RHOBTB2: variants seen among roughly 807,000 people sequenced by gnomAD.
RHOBTB2 encodes the protein rho-related BTB domain-containing protein 2.
A neutral mutation model predicts 66.5 loss-of-function variants in RHOBTB2; 39 were observed. The ratio of observed to expected loss-of-function variants is 0.59; its 90% CI spans 0.45 to 0.77. The LOEUF (loss-of-function observed/expected upper bound fraction) is 0.77. Among genes scored for constraint, RHOBTB2 ranks in the 30% least tolerant of loss-of-function variants. The pLI, the probability that RHOBTB2 is intolerant of heterozygous loss-of-function variation, is 0.00. For missense variants in RHOBTB2, 755 were observed against 999.1 expected (o/e 0.76, Z 3.29); for synonymous variants, 390 against 395.0 (o/e 0.99, Z 0.15).
the RHOBTB2 span, among the ~76,000 whole-genome samples, chr8:22,970,781 A>G: frequency 2.0e-5 from 3 of 151,990 alleles, no homozygotes; most frequent in Admixed American, 2.0e-4. Flanking sequence ...TTAAAAACCC[A>G]TCAGTCTCAT....
chr8:22,989,350 G>A (rs1810367530), intron 1 of RHOBTB2, among the ~76,000 whole-genome samples: 1 of 152,186 alleles, frequency 6.6e-6, no homozygotes, highest in African/African-American at 2.4e-5. Context: ...GTTTCATCAT[G>A]TTGGCCAGGC....
At chr8:23,012,190 T>C (rs1353776749) in intron 7 of RHOBTB2, among the ~76,000 whole-genome samples, 1 of 152,190 alleles carries the variant, frequency 6.6e-6, no homozygotes, top group Non-Finnish European at 1.5e-5. Flanking sequence ...TTTAAAAGAC[T>C]ATCTCCAGAG....
At chr8:22,985,574 T>A (rs1399775079), upstream of RHOBTB2, among the ~76,000 whole-genome samples, 2 of 152,236 alleles carry the variant, frequency 1.3e-5, no homozygotes, top group Non-Finnish European at 2.9e-5. Context: ...CTCTTGTGGC[T>A]TTCCACAACT....
intron 3 of RHOBTB2, 32 bp downstream of exon 3, chr8:23,005,507 C>T: frequency 7.2e-7 from 1 of 1,387,196 alleles, no homozygotes; most frequent in Non-Finnish European, 1.0e-6. Flanking sequence ...CTGCAGAGAA[C>T]CAACAGGGTG....
chr8:23,005,633 G>A (rs1367699454), intron 3 of RHOBTB2, among the ~76,000 whole-genome samples, 158 bp downstream of exon 3: 1 of 152,236 alleles, frequency 6.6e-6, no homozygotes, highest in Non-Finnish European at 1.5e-5. Flanking sequence ...GCCTGGTGCA[G>A]TGAAGGGAGC....
chr8:22,962,256 G>GAAA, the RHOBTB2 span, among the ~76,000 whole-genome samples: 7 of 114,632 alleles, frequency 6.1e-5, no homozygotes, highest in African/African-American at 2.3e-4. Flanking sequence ...AAATTAAAAT[G>GAAA]AAAAAAAAAA....
rs1259374607 is a variant in RHOBTB2 at position 23,004,658 on chromosome 8, C to T, written c.192+32C>T. On this transcript the variant is annotated intron_variant, in intron 2 of 9. Transcript: ENST00000251822. The surrounding 1 kb of genome is among the most constrained non-coding windows in gnomAD (Gnocchi z 6.4). ...CTGCAGGACTACCTGGCTGGGGGTC[C>T]ACGCCATGAGTCTGGGCTTGGGGGC... 1 of 1,587,776 alleles carries T rather than the reference C, an allele frequency of 6.3e-7. No homozygotes were observed.
At chr8:23,001,363 T>C (rs531908771) in intron 1 of RHOBTB2, among the ~76,000 whole-genome samples, 1 of 151,818 alleles carries the variant, frequency 6.6e-6, no homozygotes, top group African/African-American at 2.4e-5. Flanking sequence ...TATCACCATA[T>C]ATCAGCAATG....
chr8:22,995,781 G>A (rs1810533781), upstream of RHOBTB2: 1 of 1,448,734 alleles, frequency 6.9e-7, no homozygotes, highest in Non-Finnish European at 9.5e-7. Context: ...GCCCCAGCCT[G>A]CACATGGCAG....
intron 7 of RHOBTB2, among the ~76,000 whole-genome samples, chr8:23,011,598 C>T (rs1158316479): frequency 1.3e-5 from 2 of 152,116 alleles, no homozygotes; most frequent in African/African-American, 2.4e-5. Context: ...GGGGGAGAGC[C>T]AGCGGCAGGC....
the RHOBTB2 span, among the ~76,000 whole-genome samples, chr8:22,952,883 C>T: frequency 6.6e-6 from 1 of 151,788 alleles, no homozygotes; most frequent in South Asian, 2.1e-4. Flanking sequence ...CCAGCCTGGG[C>T]AACAAGAGTG....
At chr8:22,981,565 C>T in the RHOBTB2 span, among the ~76,000 whole-genome samples, 1 of 152,202 alleles carries the variant, frequency 6.6e-6, no homozygotes, top group Non-Finnish European at 1.5e-5. Context: ...AGGTCCTTGC[C>T]TCGAATTAGG....
At chr8:22,998,525 G>A (rs1018919424), upstream of RHOBTB2, among the ~76,000 whole-genome samples, 17 of 152,134 alleles carry the variant, frequency 1.1e-4, no homozygotes, top group Non-Finnish European at 2.2e-4. Context: ...CCCGAGGTCA[G>A]GAGTTCGAGA....
the RHOBTB2 span, among the ~76,000 whole-genome samples, chr8:22,964,587 TC>T: frequency 6.6e-6 from 1 of 151,858 alleles, no homozygotes; most frequent in Non-Finnish European, 1.5e-5. Context: ...TCTCTGATTG[TC>T]CCCCAGCACC....
the RHOBTB2 span, among the ~76,000 whole-genome samples, chr8:22,974,394 G>A: frequency 6.6e-6 from 1 of 152,206 alleles, no homozygotes; most frequent in Admixed American, 6.5e-5. Context: ...CAAGGCAGAG[G>A]CAAAGTGCGG....
upstream of RHOBTB2, among the ~76,000 whole-genome samples, chr8:22,996,547 G>A: frequency 7.5e-6 from 1 of 133,684 alleles, no homozygotes; most frequent in East Asian, 2.1e-4. Flanking sequence ...GTGTGTGTGT[G>A]TGTGTGTGTG....
intron 1 of RHOBTB2, among the ~76,000 whole-genome samples, chr8:22,988,153 CTTTTT>C (rs34922844): frequency 2.6e-5 from 2 of 78,112 alleles, no homozygotes; most frequent in Non-Finnish European, 5.1e-5. Context: ...GCTCCTTCCC[CTTTTT>C]TTTTTTTTTT....
intron 7 of RHOBTB2, among the ~76,000 whole-genome samples, chr8:23,011,420 TTTC>T (rs1197091864): frequency 6.6e-6 from 1 of 152,212 alleles, no homozygotes; most frequent in Non-Finnish European, 1.5e-5. Context: ...TTTTGCCTTT[TTTC>T]TTCTTCCCCT....
At chr8:22,972,014 G>T in the RHOBTB2 span, among the ~76,000 whole-genome samples, 1 of 152,134 alleles carries the variant, frequency 6.6e-6, no homozygotes, top group African/African-American at 2.4e-5. Context: ...AAAGGAATTG[G>T]CCTCATCTCC....
Sources: allele counts gnomAD v4.1 joint callset (sites outside exome capture counted in the v4.1 genomes callset), GRCh38; gene constraint gnomAD v4.1.1; non-coding constraint Gnocchi (gnomAD v3.1); transcripts MANE v1.5; gene names NCBI Gene and HGNC (gene_info 2026-07-23, HGNC 2026-07-21).